The following PCDHGB1 variants were observed in gnomAD, a reference collection of about 807,000 sequenced individuals.
PCDHGB1 encodes protocadherin gamma-B1.
In PCDHGB1, 34 loss-of-function variants were observed where a neutral mutation model predicts 56.6. The ratio of observed to expected loss-of-function variants is 0.60; its 90% CI spans 0.46 to 0.80. The LOEUF is 0.80. PCDHGB1 is among the 30% of genes least tolerant of loss of function. PCDHGB1 has a pLI of 0.00. For synonymous variants in PCDHGB1, 561 were observed against 505.9 expected (o/e 1.11, Z -1.46); for missense variants, 1,278 against 1,204.6 (o/e 1.06, Z -0.90).
intron 1 of PCDHGB1, among the ~76,000 whole-genome samples, chr5:141,373,439 C>T (rs9324846): frequency 0.027 from 4,173 of 152,294 alleles, 185 homozygotes; most frequent in African/African-American, 0.096. Context: ...GGGAGGATCC[C>T]TTGATCCCAG....
At chr5:141,355,706 G>T in intron 1 of PCDHGB1, 1 of 1,613,984 alleles carries the variant, frequency 6.2e-7, no homozygotes, top group South Asian at 1.1e-5. Flanking sequence ...TCCCTGCAGG[G>T]TTACCAGCTC....
rs1224625072 is a variant in PCDHGB1 at position 141,490,972 on chromosome 5, C to A, written c.2410-3835C>A. On this transcript the variant is annotated intron_variant, in intron 1 of 3. Transcript: ENST00000523390. The surrounding 1 kb of genome is among the most constrained non-coding windows in gnomAD (Gnocchi z 5.4). ...AGACTGGGAACACTCAGCCCCCCAG[C>A]GTCTCCCTCGCTCTGCTCCTCCTGG... is the stretch of plus-strand genomic sequence containing the variant. 2 of 1,613,912 alleles carry A rather than the reference C, an allele frequency of 1.2e-6. No individual in the cohort carries two copies. Among genetic ancestry groups the A allele is most frequent in the Non-Finnish European group, 1.7e-6 (2 of 1,179,922 alleles).
intron 1 of PCDHGB1, chr5:141,422,581 G>C: frequency 6.2e-7 from 1 of 1,613,984 alleles, no homozygotes; most frequent in Non-Finnish European, 8.5e-7. Context: ...TAACCCTCCC[G>C]TTTTTCCTCA....
At chr5:141,373,521 T>A (rs1217518860) in intron 1 of PCDHGB1, among the ~76,000 whole-genome samples, 1 of 152,192 alleles carries the variant, frequency 6.6e-6, no homozygotes, top group African/African-American at 2.4e-5. Context: ...AGACTTTGTC[T>A]CCAAAAAAGT....
chr5:141,370,865 G>A lies in PCDHGB1; in HGVS notation c.2409+18196G>A, dbSNP rs749306291. The A allele has an allele frequency of 1.2e-5, 19 of 1,613,886 alleles. 1 individual carries two copies. The South Asian group carries it at 1.9e-4, about 16-fold the overall frequency. ...GAGCCACATTTGCCCTGGAATCTGC[G>A]CAAGATCCTGATGTAGGTGTCAATT... On this transcript the variant is annotated intron_variant, in intron 1 of 3. Transcript: ENST00000523390.
chr5:141,360,441 T>A, intron 1 of PCDHGB1: 2 of 1,613,992 alleles, frequency 1.2e-6, no homozygotes, highest in Non-Finnish European at 1.7e-6. Context: ...AGCCTCTGTG[T>A]GTTCTGGATT....
chr5:141,423,749 T>TG, intron 1 of PCDHGB1: 2 of 272,262 alleles, frequency 7.3e-6, no homozygotes, highest in Non-Finnish European at 4.7e-6. Flanking sequence ...TGAAAACTGT[T>TG]TGGGGGGGGG....
At chr5:141,412,264 CT>C (rs765219351) in intron 1 of PCDHGB1, 4 of 152,206 alleles carry the variant, frequency 2.6e-5, no homozygotes, top group Non-Finnish European at 4.4e-5. Context: ...TTTTCTAAAA[CT>C]TTTAGTACTT....
chr5:141,387,560 C>A, intron 1 of PCDHGB1: 1 of 421,856 alleles, frequency 2.4e-6, no homozygotes, highest in East Asian at 3.8e-5. Context: ...CAGTTAGGCA[C>A]ACAATTATAA....
At chr5:141,460,067 G>T (rs1168161575) in intron 1 of PCDHGB1, among the ~76,000 whole-genome samples, 1 of 151,996 alleles carries the variant, frequency 6.6e-6, no homozygotes, top group Non-Finnish European at 1.5e-5. Flanking sequence ...AACAGAGTGA[G>T]ACTTCATCTA....
At chr5:141,469,610 AAAAT>A (rs1360697662) in intron 1 of PCDHGB1, among the ~76,000 whole-genome samples, 1 of 152,194 alleles carries the variant, frequency 6.6e-6, no homozygotes, top group Non-Finnish European at 1.5e-5. Context: ...TAAGTAAAAT[AAAAT>A]AAATGTTTGT....
Position 141,400,574 on chromosome 5 carries a change from T to A in PCDHGB1, c.2409+47905T>A, listed in dbSNP as rs1589419530. On this transcript the variant is annotated intron_variant, in intron 1 of 3. Transcript: ENST00000523390. ...TTTTCATTACCCACCCAATTTTCTG[T>A]ATTTACATGAAACTATCGTACATTT... 3 of 1,612,232 alleles carry A rather than the reference T, an allele frequency of 1.9e-6. No individual in the cohort carries two copies. In the Middle Eastern group the frequency reaches 4.9e-4, roughly 266 times the overall value.
At chr5:141,372,576 C>A in intron 1 of PCDHGB1, 2 of 1,614,066 alleles carry the variant, frequency 1.2e-6, no homozygotes. Context: ...GGGCTACTTT[C>A]AGCCTGGTGT....
At chr5:141,465,833 T>A (rs2099110537) in intron 1 of PCDHGB1, among the ~76,000 whole-genome samples, 1 of 152,002 alleles carries the variant, frequency 6.6e-6, no homozygotes, top group Non-Finnish European at 1.5e-5. Context: ...GTTTAAAATT[T>A]CAACTGAGGC....
intron 1 of PCDHGB1, chr5:141,468,629 G>A (rs1170355107): frequency 1.3e-5 from 2 of 152,140 alleles, no homozygotes; most frequent in African/African-American, 4.8e-5. Flanking sequence ...CACTTTGGGA[G>A]GCCGAGGTGG....
At chr5:141,385,189 C>T (rs368141492) in intron 1 of PCDHGB1, 2 of 1,614,222 alleles carry the variant, frequency 1.2e-6, no homozygotes, top group Non-Finnish European at 1.7e-6. Context: ...CGCGGACTCT[C>T]GGAAGAGTCA....
chr5:141,387,303 A>C (rs563124332), intron 1 of PCDHGB1, among the ~76,000 whole-genome samples: 1 of 152,334 alleles, frequency 6.6e-6, no homozygotes, highest in East Asian at 1.9e-4. Context: ...TATCCAGTAT[A>C]TTTCTAATGA....
intron 1 of PCDHGB1, among the ~76,000 whole-genome samples, chr5:141,357,968 T>C (rs1760776838): frequency 6.6e-6 from 1 of 152,172 alleles, no homozygotes; most frequent in Non-Finnish European, 1.5e-5. Context: ...GGAGGACGGA[T>C]TGCCTGAGCT....
At chr5:141,470,734 G>C (rs970003510) in intron 1 of PCDHGB1, among the ~76,000 whole-genome samples, 1 of 152,128 alleles carries the variant, frequency 6.6e-6, no homozygotes, top group South Asian at 2.1e-4. Context: ...GTCTTGCTCT[G>C]TCGCCCTGGC....
Sources: gnomAD v4.1 joint callset for allele counts (sites outside exome capture counted in the v4.1 genomes callset) on GRCh38, gnomAD v4.1.1 for gene constraint, Gnocchi (gnomAD v3.1) non-coding constraint, MANE v1.5 for transcripts, NCBI Gene and HGNC (gene_info 2026-07-23, HGNC 2026-07-21) for gene names.